HEMK2: variants seen among roughly 807,000 people sequenced by gnomAD.
HEMK2 encodes methyltransferase HEMK2.
At chr21:28,745,605 A>G in the HEMK2 span, among the ~76,000 whole-genome samples, 13 of 152,264 alleles carry the variant, frequency 8.5e-5, no homozygotes, top group Admixed American at 2.0e-4. Context: ...TCACCTCACC[A>G]GCAGTTCCAC....
chr21:28,579,682 G>A, the HEMK2 span, among the ~76,000 whole-genome samples: 1 of 152,188 alleles, frequency 6.6e-6, no homozygotes, highest in African/African-American at 2.4e-5. Flanking sequence ...TGTCAAGGCA[G>A]TGTGGCAATT....
the HEMK2 span, among the ~76,000 whole-genome samples, chr21:28,668,864 G>T: frequency 6.6e-6 from 1 of 152,178 alleles, no homozygotes; most frequent in Non-Finnish European, 1.5e-5. Context: ...TAATGCATTT[G>T]AGGATGGGAC....
the HEMK2 span, among the ~76,000 whole-genome samples, chr21:28,694,448 A>C: frequency 6.6e-6 from 1 of 152,164 alleles, no homozygotes; most frequent in Non-Finnish European, 1.5e-5. Flanking sequence ...AAGCTCTTAA[A>C]ATTCTTTAAA....
chr21:28,648,196 T>A, the HEMK2 span, among the ~76,000 whole-genome samples: 4 of 152,242 alleles, frequency 2.6e-5, no homozygotes, highest in African/African-American at 9.6e-5. Flanking sequence ...GTTTGGACAT[T>A]ACTAAGATGC....
the HEMK2 span, among the ~76,000 whole-genome samples, chr21:28,738,056 T>C: frequency 0.23 from 34,655 of 151,970 alleles, 4,551 homozygotes; most frequent in African/African-American, 0.35. Flanking sequence ...CAACAACAGT[T>C]AGATAATTGC....
chr21:28,637,539 C>T, the HEMK2 span, among the ~76,000 whole-genome samples: 3 of 152,154 alleles, frequency 2.0e-5, no homozygotes, highest in African/African-American at 7.2e-5. Flanking sequence ...TGGCGTAGAC[C>T]TCTCATGCCA....
chr21:28,617,346 C>T, the HEMK2 span, among the ~76,000 whole-genome samples: 74 of 152,256 alleles, frequency 4.9e-4, no homozygotes, highest in Non-Finnish European at 1.6e-4. Context: ...AAACAAGGAC[C>T]AAATAATGAA....
At chr21:28,580,725 G>T in the HEMK2 span, among the ~76,000 whole-genome samples, 1 of 152,018 alleles carries the variant, frequency 6.6e-6, no homozygotes, top group Non-Finnish European at 1.5e-5. Context: ...CCCAATAGTC[G>T]ACAATTATCC....
chr21:28,762,072 C>G, the HEMK2 span, among the ~76,000 whole-genome samples: 1 of 152,126 alleles, frequency 6.6e-6, no homozygotes, highest in Non-Finnish European at 1.5e-5. Context: ...TGGGGTAAAT[C>G]TGAATATCTT....
the HEMK2 span, among the ~76,000 whole-genome samples, chr21:28,786,298 G>A: frequency 0.3 from 45,510 of 152,028 alleles, 6,936 homozygotes; most frequent in East Asian, 0.41. Context: ...TAAGTGTTTC[G>A]TAAAGTCTAA....
At chr21:28,878,107 TTA>T in the HEMK2 span, 20 of 1,206,004 alleles carry the variant, frequency 1.7e-5, no homozygotes, top group Non-Finnish European at 2.3e-5. Context: ...ACATGCCAGG[TTA>T]TCTTATAAAT....
chr21:28,820,012 T>C, the HEMK2 span, among the ~76,000 whole-genome samples: 1 of 152,218 alleles, frequency 6.6e-6, no homozygotes, highest in Non-Finnish European at 1.5e-5. Context: ...TATGAATTCA[T>C]GGGTTAACAA....
the HEMK2 span, among the ~76,000 whole-genome samples, chr21:28,733,643 C>T: frequency 2.0e-5 from 3 of 152,130 alleles, no homozygotes; most frequent in African/African-American, 4.8e-5. Context: ...TACCCACTCC[C>T]CCCAACCCCA....
chr21:28,681,910 T>A, the HEMK2 span, among the ~76,000 whole-genome samples: 1 of 152,178 alleles, frequency 6.6e-6, no homozygotes, highest in African/African-American at 2.4e-5. Context: ...TCAAGATGGA[T>A]TAAAGACTTA....
the HEMK2 span, among the ~76,000 whole-genome samples, chr21:28,830,977 T>A: frequency 6.6e-6 from 1 of 152,154 alleles, no homozygotes; most frequent in Non-Finnish European, 1.5e-5. Context: ...GAAAATTTTT[T>A]AAAATATGTA....
At chr21:28,816,139 T>A in the HEMK2 span, among the ~76,000 whole-genome samples, 49 of 152,340 alleles carry the variant, frequency 3.2e-4, no homozygotes, top group Non-Finnish European at 5.7e-4. Context: ...GGCACCTTGA[T>A]CTTGGGCTTC....
At chr21:28,798,121 G>T in the HEMK2 span, among the ~76,000 whole-genome samples, 6 of 152,078 alleles carry the variant, frequency 3.9e-5, no homozygotes, top group Non-Finnish European at 8.8e-5. Flanking sequence ...TCTCTCCTTC[G>T]TTCATCAAGC....
chr21:28,695,787 T>C, the HEMK2 span, among the ~76,000 whole-genome samples: 1 of 35,264 alleles, frequency 2.8e-5, no homozygotes, highest in Non-Finnish European at 4.2e-5. Flanking sequence ...AAAGTAAGTC[T>C]TACTTAACTC....
the HEMK2 span, among the ~76,000 whole-genome samples, chr21:28,592,364 C>A: frequency 1.3e-5 from 2 of 151,946 alleles, no homozygotes; most frequent in Middle Eastern, 3.2e-3. Flanking sequence ...ACCAATGGAG[C>A]CAAAAAGGTT....
Sources: allele counts gnomAD v4.1 joint callset (sites outside exome capture counted in the v4.1 genomes callset), GRCh38; gene constraint gnomAD v4.1.1; transcripts MANE v1.5; gene names NCBI Gene and HGNC (gene_info 2026-07-23, HGNC 2026-07-21).